Variants in IGF2BP2 observed in about 807,000 individuals in gnomAD.
IGF2BP2 encodes the protein insulin like growth factor 2 mRNA binding protein 2.
A neutral mutation model predicts 75.8 loss-of-function variants in IGF2BP2; 17 were observed. The observed-to-expected ratio is 0.22, with a 90% confidence interval of 0.15 to 0.34. The LOEUF (loss-of-function observed/expected upper bound fraction) is 0.34. Ranked by LOEUF, IGF2BP2 falls within the 10% of genes least tolerant of loss-of-function variation. The pLI is 1.00. For missense variants in IGF2BP2, 516 were observed against 772.4 expected (o/e 0.67, Z 3.93); for synonymous variants, 288 against 295.6 (o/e 0.97, Z 0.26).
chr3:185,693,912 C>A (rs1722255087), intron 4 of IGF2BP2, among the ~76,000 whole-genome samples: 1 of 152,178 alleles, frequency 6.6e-6, no homozygotes, highest in African/African-American at 2.4e-5. Context: ...ATTCTATAAA[C>A]CCCTCCAAAA....
chr3:185,710,071 G>C (rs979716500), intron 2 of IGF2BP2, among the ~76,000 whole-genome samples: 1 of 150,262 alleles, frequency 6.7e-6, no homozygotes, highest in Admixed American at 6.6e-5. Context: ...GCAATTCTGA[G>C]AACTTAATTT....
At chr3:185,704,699 C>T (rs991261400) in intron 2 of IGF2BP2, among the ~76,000 whole-genome samples, 2 of 152,212 alleles carry the variant, frequency 1.3e-5, no homozygotes, top group Non-Finnish European at 2.9e-5. Context: ...ATCAGCCCAC[C>T]TTGTCCTCCC....
rs1292316551 is a variant in IGF2BP2, at chr3:185,805,579, AAGT to A, written c.239+17571_239+17573del. Among the ~76,000 whole-genome samples, 125 of 152,194 alleles carry A rather than the reference AAGT, an allele frequency of 8.2e-4. 2 individuals are homozygous for A. The highest frequency in any genetic ancestry group is 3.5e-4 in the Non-Finnish European group (24 of 68,012). On this transcript the variant is annotated intron_variant, in intron 2 of 15. Transcript: ENST00000382199. The stretch of plus-strand genomic sequence containing the variant: ...AAGGCCGAGATTATACAAAGAAAAA[AAGT>A]TGTTGAGGAAAACTGAGAAAAAAAT...
chr3:185,740,519 T>C (rs575209387), intron 2 of IGF2BP2, among the ~76,000 whole-genome samples: 2 of 152,250 alleles, frequency 1.3e-5, no homozygotes, highest in Non-Finnish European at 2.9e-5. Flanking sequence ...CTTAGAAGTA[T>C]AGTCATTTGA....
At chr3:185,806,845 G>A (rs1739096878) in intron 2 of IGF2BP2, among the ~76,000 whole-genome samples, 1 of 152,010 alleles carries the variant, frequency 6.6e-6, no homozygotes, top group African/African-American at 2.4e-5. Context: ...AAGATCTGAG[G>A]GCCTGATGCG....
chr3:185,753,133 T>TA (rs910219618), intron 2 of IGF2BP2, among the ~76,000 whole-genome samples: 14 of 152,294 alleles, frequency 9.2e-5, no homozygotes, highest in African/African-American at 3.1e-4. Flanking sequence ...AGGATTCTCA[T>TA]AAAACCAACT....
At chr3:185,769,197 T>C (rs887030621) in intron 2 of IGF2BP2, among the ~76,000 whole-genome samples, 1 of 151,870 alleles carries the variant, frequency 6.6e-6, no homozygotes, top group Non-Finnish European at 1.5e-5. Flanking sequence ...TTTTAAAAAT[T>C]AGCTGAGCAT....
chr3:185,731,435 T>C (rs1291057634), intron 2 of IGF2BP2, among the ~76,000 whole-genome samples: 5 of 151,710 alleles, frequency 3.3e-5, no homozygotes, highest in African/African-American at 1.2e-4. Context: ...TAATAGAGAC[T>C]AGAGATGAGG....
At chr3:185,820,793 A>G (rs1320744579) in intron 2 of IGF2BP2, among the ~76,000 whole-genome samples, 1 of 152,216 alleles carries the variant, frequency 6.6e-6, no homozygotes, top group Non-Finnish European at 1.5e-5. Context: ...AATACAAAGA[A>G]AATGCACTCA....
intron 4 of IGF2BP2, 66 bp downstream of exon 4, chr3:185,696,546 C>A: frequency 7.3e-7 from 1 of 1,364,362 alleles, no homozygotes; most frequent in Non-Finnish European, 1.0e-6. Context: ...CTGGAGTTGA[C>A]CTAACCTATA....
chr3:185,700,016 T>C (rs1044725840), intron 2 of IGF2BP2, among the ~76,000 whole-genome samples: 6 of 152,192 alleles, frequency 3.9e-5, no homozygotes, highest in Admixed American at 6.5e-5. Context: ...GTTGTTTTAA[T>C]AGAAGAGCTT....
At chr3:185,676,579 G>A (rs59356894) in intron 7 of IGF2BP2, among the ~76,000 whole-genome samples, 30 of 151,918 alleles carry the variant, frequency 2.0e-4, no homozygotes, top group African/African-American at 6.8e-4. Context: ...GGGAGGCTGA[G>A]GTGGGACTGC....
chr3:185,769,261 G>A (rs1162251709), intron 2 of IGF2BP2, among the ~76,000 whole-genome samples: 2 of 150,768 alleles, frequency 1.3e-5, no homozygotes, highest in African/African-American at 4.9e-5. Context: ...TGAGGTGGAA[G>A]GAGGACTTGG....
In IGF2BP2 at chr3:185,645,190, G is replaced by C. The variant is rs573281833; in HGVS notation, c.*341C>G. 1 of 307,682 alleles carries C rather than the reference G, an allele frequency of 3.3e-6. No individual in the cohort carries two copies. Among genetic ancestry groups the C allele is most frequent in the Non-Finnish European group, 6.1e-6 (1 of 163,760 alleles). 19.1% of individuals were successfully genotyped at this position (307,682 alleles called of 1,614,324 possible). On this transcript the variant is annotated 3_prime_UTR_variant, in exon 16 of 16. Coordinates refer to ENST00000382199, the MANE Select transcript of IGF2BP2 (RefSeq NM_006548.6). This position sits in a 1 kb window ranked among gnomAD's most constrained non-coding sequence, Gnocchi z 4.9. ...AAGGGTGTGCATTTTGCTTGGCTTT[G>C]AACACGTTCACCTATGTTAGTTCAA...
At chr3:185,792,251 A>G (rs1736741217) in intron 2 of IGF2BP2, among the ~76,000 whole-genome samples, 1 of 152,156 alleles carries the variant, frequency 6.6e-6, no homozygotes, top group Admixed American at 6.5e-5. Context: ...AAGCAGCTAT[A>G]AAGAATAAAG....
chr3:185,732,577 T>C (rs1327950796), intron 2 of IGF2BP2, among the ~76,000 whole-genome samples: 1 of 152,116 alleles, frequency 6.6e-6, no homozygotes, highest in Admixed American at 6.6e-5. Context: ...CCCAACATAC[T>C]ACAAGGACCC....
rs538838266 is a variant in IGF2BP2, at chr3:185,647,424, C to T, written c.1594-286G>A. Among the ~76,000 whole-genome samples the T allele has an allele frequency of 5.3e-5, 8 of 152,220 alleles. No homozygotes were observed. Among genetic ancestry groups the T allele is most frequent in the Middle Eastern group, 3.4e-3 (1 of 294 alleles). ...TCTCTTATTCTGGAGTTCCCATCAA[C>T]GCAGGCCTGCACATGCTCACAGAGA... is the stretch of plus-strand genomic sequence containing the variant. On this transcript the variant is annotated intron_variant, in intron 14 of 15. Transcript: ENST00000382199. This position sits in a 1 kb window ranked among gnomAD's most constrained non-coding sequence, Gnocchi z 4.9.
intron 2 of IGF2BP2, among the ~76,000 whole-genome samples, chr3:185,747,878 C>T (rs371536548): frequency 9.7e-4 from 128 of 132,340 alleles, no homozygotes; most frequent in Middle Eastern, 3.7e-3. Context: ...TATTTTGAGA[C>T]GGAGTCTCGC....
At chr3:185,732,840 G>C (rs756407108) in intron 2 of IGF2BP2, among the ~76,000 whole-genome samples, 5 of 152,200 alleles carry the variant, frequency 3.3e-5, no homozygotes, top group African/African-American at 7.2e-5. Context: ...TGTTGAGTTA[G>C]ATAATCCCCT....
Sources: allele counts gnomAD v4.1 joint callset (sites outside exome capture counted in the v4.1 genomes callset), GRCh38; gene constraint gnomAD v4.1.1; non-coding constraint Gnocchi (gnomAD v3.1); transcripts MANE v1.5; gene names NCBI Gene and HGNC (gene_info 2026-07-23, HGNC 2026-07-21).